Variants in DLG2 observed in about 807,000 individuals in gnomAD.
DLG2 encodes the protein discs large MAGUK scaffold protein 2, also known as disks large homolog 2.
DLG2 carries 45 observed loss-of-function variants against 132.5 expected under a neutral mutation model. That is an observed-to-expected ratio of 0.34 (90% CI 0.27 to 0.44). The LOEUF (loss-of-function observed/expected upper bound fraction) is 0.44, where lower values mean the gene tolerates loss of function less well. Ranked by LOEUF, DLG2 falls within the 20% of genes least tolerant of loss-of-function variation. The probability of loss-of-function intolerance (pLI) is 1.00; values close to 1 mark genes in which losing one functional copy is unlikely to be tolerated. For missense variants in DLG2, 1,045 were observed against 1,196.9 expected, an observed-to-expected ratio of 0.87 and a Z score of 1.87; for synonymous variants, 424 against 419.6, an observed-to-expected ratio of 1.01 and a Z score of -0.13.
intron 7 of DLG2, among the ~76,000 whole-genome samples, chr11:84,445,768 T>G (rs1313520730): frequency 1.3e-5 from 2 of 151,688 alleles, no homozygotes; most frequent in African/African-American, 2.4e-5. Context: ...TACAAAAAAT[T>G]AGCCGGGTGT....
At chr11:84,760,358 C>G (rs1013605649) in intron 6 of DLG2, among the ~76,000 whole-genome samples, 1 of 152,166 alleles carries the variant, frequency 6.6e-6, no homozygotes, top group Admixed American at 6.5e-5. Flanking sequence ...TTTCAGAGAT[C>G]CATTCAAAAG....
intron 19 of DLG2, among the ~76,000 whole-genome samples, chr11:83,567,470 T>C (rs1485462430): frequency 3.9e-5 from 6 of 152,202 alleles, no homozygotes; most frequent in Non-Finnish European, 2.9e-5. Context: ...TTCCCAACTA[T>C]AAAATGTTAT....
intron 6 of DLG2, among the ~76,000 whole-genome samples, chr11:84,741,045 G>A (rs1218921950): frequency 6.8e-6 from 1 of 147,580 alleles, no homozygotes; most frequent in East Asian, 2.0e-4. Context: ...AAACAACTGT[G>A]TGCCTATGCT....
chr11:84,747,665 G>T (rs1258119197), intron 6 of DLG2, among the ~76,000 whole-genome samples: 1 of 152,154 alleles, frequency 6.6e-6, no homozygotes, highest in East Asian at 1.9e-4. Flanking sequence ...CTCACGAGCT[G>T]CCTTTTTTTC....
chr11:83,486,570 ATAAT>A (rs2093524196), intron 21 of DLG2, among the ~76,000 whole-genome samples: 1 of 152,126 alleles, frequency 6.6e-6, no homozygotes, highest in African/African-American at 2.4e-5. Context: ...AGCAAGGACT[ATAAT>A]GTGTTAACAT....
intron 8 of DLG2, among the ~76,000 whole-genome samples, chr11:84,217,903 C>T (rs1033711679): frequency 6.6e-6 from 1 of 152,152 alleles, no homozygotes; most frequent in Non-Finnish European, 1.5e-5. Flanking sequence ...TGCAGTGGCT[C>T]ACACCTGTAA....
chr11:85,583,130 G>GTGTGTATATATATA (rs1555190569), intron 3 of DLG2, among the ~76,000 whole-genome samples: 14 of 13,602 alleles, frequency 1.0e-3, no homozygotes, highest in Non-Finnish European at 1.3e-3. Flanking sequence ...GTGTGTGTGT[G>GTGTGTATATATATA]TATATATATA....
intron 3 of DLG2, among the ~76,000 whole-genome samples, chr11:85,303,241 G>A (rs1755864162): frequency 6.6e-6 from 1 of 152,144 alleles, no homozygotes; most frequent in South Asian, 2.1e-4. Flanking sequence ...GTATGCTCAG[G>A]CTTGGTTTTG....
At chr11:83,825,667 G>A (rs1453759329) in intron 17 of DLG2, among the ~76,000 whole-genome samples, 2 of 152,074 alleles carry the variant, frequency 1.3e-5, no homozygotes, top group African/African-American at 4.8e-5. Context: ...GAGGTAGGAG[G>A]GAGCTCAGCA....
At chr11:84,672,030 C>T (rs2099706454) in intron 6 of DLG2, among the ~76,000 whole-genome samples, 2 of 152,152 alleles carry the variant, frequency 1.3e-5, no homozygotes, top group Admixed American at 1.3e-4. Context: ...CTCATTTGAA[C>T]AGTCCTCATT....
intron 4 of DLG2, among the ~76,000 whole-genome samples, chr11:85,158,322 G>A (rs1374081896): frequency 6.6e-6 from 1 of 152,108 alleles, no homozygotes; most frequent in Admixed American, 6.6e-5. Flanking sequence ...GAAAAAAAAG[G>A]TTGTAATAAT....
chr11:85,349,899 T>C (rs1384114388), intron 3 of DLG2, among the ~76,000 whole-genome samples: 2 of 151,626 alleles, frequency 1.3e-5, no homozygotes, highest in African/African-American at 4.9e-5. Flanking sequence ...TATAGTAGAA[T>C]GATTTATAAT....
intron 6 of DLG2, among the ~76,000 whole-genome samples, chr11:85,000,466 A>C (rs1026312550): frequency 3.9e-5 from 6 of 152,130 alleles, no homozygotes; most frequent in African/African-American, 9.7e-5. Flanking sequence ...CAATATTGGG[A>C]AAGTCAGTTA....
chr11:84,932,731 T>C (rs946174237), intron 6 of DLG2, among the ~76,000 whole-genome samples: 66 of 152,164 alleles, frequency 4.3e-4, no homozygotes, highest in Non-Finnish European at 8.7e-4. Flanking sequence ...ATGGTATATA[T>C]ATATATACTA....
chr11:85,207,404 T>A (rs1408163887), intron 4 of DLG2, among the ~76,000 whole-genome samples: 1 of 152,222 alleles, frequency 6.6e-6, no homozygotes, highest in African/African-American at 2.4e-5. Flanking sequence ...AAAACAATTA[T>A]AAATCCAATT....
chr11:84,551,519 C>T (rs1253290103), intron 6 of DLG2, among the ~76,000 whole-genome samples: 3 of 152,150 alleles, frequency 2.0e-5, no homozygotes, highest in Admixed American at 6.5e-5. Flanking sequence ...GCTTTACAAG[C>T]CTTAATTTAT....
chr11:83,887,408 G>A lies in DLG2; in HGVS notation c.1497-12920C>T, dbSNP rs2068245083. On this transcript the variant is annotated intron_variant, in intron 15 of 27. Transcript: ENST00000376104. ...CCCAAGACTAAACCAGGAAGAAGTT[G>A]AATCTCTGAATAGACCAATAACAGG... 2.0e-5 allele frequency among the ~76,000 whole-genome samples: 3 copies of A among 152,014 alleles called. No homozygotes were observed. In the South Asian group the frequency reaches 6.3e-4, roughly 32 times the overall value.
At chr11:85,605,853 C>T (rs2080494729) in intron 2 of DLG2, among the ~76,000 whole-genome samples, 1 of 152,128 alleles carries the variant, frequency 6.6e-6, no homozygotes, top group South Asian at 2.1e-4. Context: ...GTTGCGGGTG[C>T]CTGTAATCCC....
chr11:83,572,788 T>A (rs1476153129), intron 19 of DLG2, among the ~76,000 whole-genome samples: 3 of 152,166 alleles, frequency 2.0e-5, no homozygotes, highest in Admixed American at 6.6e-5. Flanking sequence ...GTCTCTTGGT[T>A]ATACAAGAGT....
Sources: gnomAD v4.1 joint callset for allele counts (sites outside exome capture counted in the v4.1 genomes callset) on GRCh38, gnomAD v4.1.1 for gene constraint, MANE v1.5 for transcripts, NCBI Gene and HGNC (gene_info 2026-07-23, HGNC 2026-07-21) for gene names.